Variants in CLIP2 observed in about 807,000 individuals in gnomAD.
CLIP2 encodes CAP-Gly domain-containing linker protein 2.
A neutral mutation model predicts 111.7 loss-of-function variants in CLIP2; 41 were observed. That is an observed-to-expected ratio of 0.37 (90% CI 0.29 to 0.48). The LOEUF (loss-of-function observed/expected upper bound fraction) is 0.48, where lower values mean the gene tolerates loss of function less well. Ranked by LOEUF, CLIP2 falls within the 20% of genes least tolerant of loss-of-function variation. The pLI is 0.99. For missense variants in CLIP2, 1,160 were observed against 1,422.1 expected (o/e 0.82, Z 2.96); for synonymous variants, 660 against 644.2 (o/e 1.02, Z -0.37).
intron 1 of CLIP2, among the ~76,000 whole-genome samples, chr7:74,298,501 GC>G (rs1473154929): frequency 6.6e-6 from 1 of 151,434 alleles, no homozygotes; most frequent in Non-Finnish European, 1.5e-5. Context: ...ACCACACCTG[GC>G]CCCTGTCTCT....
At chr7:74,384,203 G>A (rs184674770) in intron 11 of CLIP2, among the ~76,000 whole-genome samples, 21 of 151,882 alleles carry the variant, frequency 1.4e-4, no homozygotes, top group Admixed American at 4.6e-4. Flanking sequence ...CAACAACAAC[G>A]ACAACAAAAC....
chr7:74,328,027 G>A (rs1013665225), intron 2 of CLIP2, among the ~76,000 whole-genome samples: 4 of 152,198 alleles, frequency 2.6e-5, no homozygotes, highest in African/African-American at 9.6e-5. Flanking sequence ...GATTCAGGAC[G>A]GTGTGGGCTG....
intron 11 of CLIP2, 85 bp downstream of exon 11, chr7:74,380,948 T>A (rs782044913): frequency 1.5e-6 from 2 of 1,337,746 alleles, no homozygotes. Context: ...ACATTTTGGT[T>A]TGCATCATCT....
chr7:74,317,582 T>G lies in CLIP2; in HGVS notation c.36T>G (p.Arg12=). ...QKPSGLKPPG[R]GGKHSSPMGR... is the part of the protein sequence containing the mutation. The stretch of plus-strand genomic sequence containing the variant: ...CCAGCGGCCTGAAGCCCCCCGGCCG[T>G]GGGGGGAAGCACTCCAGCCCCATGG... Residue 12 remains arginine (R), a synonymous_variant, in exon 2 of 17, where the codon CGT becomes CGG. Coordinates refer to ENST00000223398, the MANE Select transcript of CLIP2 (RefSeq NM_003388.5). 1.3e-6 allele frequency: 2 copies of G among 1,493,870 alleles called. No homozygotes were observed. Among genetic ancestry groups the G allele is most frequent in the Non-Finnish European group, 1.8e-6 (2 of 1,115,282 alleles). 92.5% of individuals were successfully genotyped at this position (1,493,870 alleles called of 1,614,324 possible). A position where few individuals can be genotyped will look rare whatever the true frequency, so the allele number is the denominator to read the frequency against.
At chr7:74,310,205 GTGACAGAGACC>G (rs1396104666) in intron 1 of CLIP2, among the ~76,000 whole-genome samples, 1 of 151,852 alleles carries the variant, frequency 6.6e-6, no homozygotes, top group African/African-American at 2.4e-5. Flanking sequence ...TCCAGCCTGG[GTGACAGAGACC>G]TGTCTCTGTT....
intron 6 of CLIP2, among the ~76,000 whole-genome samples, chr7:74,358,169 A>G (rs375690638): frequency 4.6e-5 from 7 of 151,724 alleles, no homozygotes; most frequent in East Asian, 1.9e-4. Flanking sequence ...CTCCTGCCTC[A>G]GCCTCTCAAG....
intron 1 of CLIP2, among the ~76,000 whole-genome samples, chr7:74,294,901 C>G (rs528524978): frequency 5.0e-4 from 76 of 152,144 alleles, no homozygotes; most frequent in African/African-American, 1.8e-3. Context: ...AGGCTGGGCT[C>G]TGGTGTGGTG....
chr7:74,380,856 T>G lies in CLIP2; in HGVS notation c.2472T>G (p.Thr824=). 1 of 1,613,786 alleles carries G rather than the reference T, an allele frequency of 6.2e-7. No homozygotes were observed. The highest frequency in any genetic ancestry group is 1.1e-5 in the South Asian group (1 of 91,036). Residue 824 remains threonine, a synonymous_variant, in exon 11 of 17, where the codon ACT becomes ACG. Coordinates refer to ENST00000223398, the MANE Select transcript of CLIP2 (RefSeq NM_003388.5). ...AGGAGACGATCAGGACGAAGGAAAC[T>G]GTGGAGGGTGAGTGGCCACCAGGCC... The part of the protein sequence containing the change: ...ISEETIRTKE[T]VEGLQDKLNK...
In CLIP2 at chr7:74,338,136, A is replaced by G. The variant is rs1789530243; in HGVS notation, c.122-312A>G. ...AGGATTGCTGGAGCCCAGGAAGTCAAGACTGCAGTGAGCCACCATATCGCC... is the reference window on the plus strand; with the variant it reads ...AGGATTGCTGGAGCCCAGGAAGTCAGGACTGCAGTGAGCCACCATATCGCC... On this transcript the variant is annotated intron_variant, in intron 2 of 16. Transcript: ENST00000223398. This position sits in a 1 kb window ranked among gnomAD's most constrained non-coding sequence, Gnocchi z 4.3. Among the ~76,000 whole-genome samples the G allele has an allele frequency of 6.6e-6, 1 of 152,146 alleles. No individual in the cohort carries two copies. Among genetic ancestry groups the G allele is most frequent in the Admixed American group, 6.6e-5 (1 of 15,264 alleles).
intron 11 of CLIP2, 45 bp downstream of exon 11, chr7:74,380,908 G>A (rs1790924205): frequency 1.3e-6 from 2 of 1,590,444 alleles, no homozygotes; most frequent in Non-Finnish European, 1.7e-6. Flanking sequence ...TCTGGGAAGA[G>A]GCTGGCTGGC....
chr7:74,347,900 C>G (rs1208656201), intron 3 of CLIP2, among the ~76,000 whole-genome samples: 1 of 151,894 alleles, frequency 6.6e-6, no homozygotes, highest in Non-Finnish European at 1.5e-5. Flanking sequence ...AGGAAACAGC[C>G]CAGGGGCGGG....
At chr7:74,342,941 A>T (rs1307417116) in intron 3 of CLIP2, among the ~76,000 whole-genome samples, 1 of 151,770 alleles carries the variant, frequency 6.6e-6, no homozygotes, top group Non-Finnish European at 1.5e-5. Flanking sequence ...AGGCTGAGGC[A>T]GGAGAATGGC....
chr7:74,382,633 G>A lies in CLIP2; in HGVS notation c.2479+1770G>A, dbSNP rs144660820. On this transcript the variant is annotated intron_variant, in intron 11 of 16. Transcript: ENST00000223398. Reference sequence around the variant, plus strand: ...GGCTTCTATTTGCATTTCTATTTGTGTCTTTTGACCATTTTTTTCTGATTG... The same window carrying A: ...GGCTTCTATTTGCATTTCTATTTGTATCTTTTGACCATTTTTTTCTGATTG... Among the ~76,000 whole-genome samples the A allele has an allele frequency of 1.5e-3, 222 of 151,644 alleles. 1 individual carries two copies. Among genetic ancestry groups the A allele is most frequent in the African/African-American group, 5.2e-3 (215 of 41,400 alleles).
intron 2 of CLIP2, among the ~76,000 whole-genome samples, chr7:74,329,857 G>A (rs1432024108): frequency 6.6e-6 from 1 of 152,072 alleles, no homozygotes; most frequent in Non-Finnish European, 1.5e-5. Context: ...TCAGCTCACT[G>A]CAACCTCTGC....
intron 2 of CLIP2, among the ~76,000 whole-genome samples, chr7:74,325,561 G>A (rs1392772904): frequency 6.6e-6 from 1 of 152,218 alleles, no homozygotes; most frequent in African/African-American, 2.4e-5. Context: ...GCCTGGCATG[G>A]TGGCTCACGC....
chr7:74,380,626 A>G (rs1790915315), intron 10 of CLIP2, 180 bp from the exon 11 acceptor site: 2 of 519,020 alleles, frequency 3.9e-6, no homozygotes, highest in Non-Finnish European at 6.9e-6. Context: ...CTCTGTTGTC[A>G]GGGAGGTCCG....
In CLIP2 at chr7:74,376,854, G is replaced by A. The variant is rs1554313109; in HGVS notation, c.2421+32G>A. Reference sequence around the variant, plus strand: ...GCCTGCCCCTCCTGCTGGGGCGGGAGGGTCGGGCTGGGGAGGGCTTGGCCT... The same window carrying A: ...GCCTGCCCCTCCTGCTGGGGCGGGAAGGTCGGGCTGGGGAGGGCTTGGCCT... On this transcript the variant is annotated intron_variant, in intron 10 of 16. Transcript: ENST00000223398. The surrounding 1 kb of genome is among the most constrained non-coding windows in gnomAD (Gnocchi z 7.1). The A allele has an allele frequency of 6.6e-7, 1 of 1,510,098 alleles. No homozygotes were observed. The highest frequency in any genetic ancestry group is 2.2e-5 in the Admixed American group (1 of 45,402). 93.5% of individuals were successfully genotyped at this position (1,510,098 alleles called of 1,614,324 possible). A position where few individuals can be genotyped will look rare whatever the true frequency, so the allele number is the denominator to read the frequency against.
At chr7:74,319,495 A>C (rs1788884760) in intron 2 of CLIP2, among the ~76,000 whole-genome samples, 1 of 151,676 alleles carries the variant, frequency 6.6e-6, no homozygotes, top group South Asian at 2.1e-4. Flanking sequence ...GCAACAGAAC[A>C]AGACTCTGTC....
At position 74,353,970 on chromosome 7, in the gene CLIP2, C is replaced by G; in HGVS notation, c.769C>G (p.Leu257Val). 6.2e-7 allele frequency: 1 copy of G among 1,613,882 alleles called. No homozygotes were observed. Among genetic ancestry groups the G allele is most frequent in the South Asian group, 1.1e-5 (1 of 91,076 alleles). The change falls in exon 4 of 17, where the codon CTT becomes GTT. Residue 257 changes from leucine to valine, a missense_variant. Transcript: ENST00000223398. The part of the protein sequence containing the change: ...EWCGVELDEP[L>V]GKNDGAVAGT... ...GTGTGGCGTGGAGCTGGACGAGCCC[C>G]TTGGGAAGAATGATGGGGCGGTGGC... is the stretch of plus-strand genomic sequence containing the variant.
Sources: gnomAD v4.1 joint callset for allele counts (sites outside exome capture counted in the v4.1 genomes callset) on GRCh38, gnomAD v4.1.1 for gene constraint, Gnocchi (gnomAD v3.1) non-coding constraint, MANE v1.5 for transcripts, NCBI Gene and HGNC (gene_info 2026-07-23, HGNC 2026-07-21) for gene names.